ABCA5: variants seen among roughly 807,000 people sequenced by gnomAD.
The protein encoded by ABCA5 is cholesterol transporter ABCA5.
In ABCA5, 163 loss-of-function variants were observed where a neutral mutation model predicts 206.0. The ratio of observed to expected loss-of-function variants is 0.79; its 90% CI spans 0.70 to 0.90. The LOEUF is 0.90. Ranked by LOEUF, ABCA5 falls within the 40% of genes least tolerant of loss-of-function variation. The pLI, the probability that ABCA5 is intolerant of heterozygous loss-of-function variation, is 0.00. For synonymous variants in ABCA5, 609 were observed against 613.8 expected (o/e 0.99, Z 0.11); for missense variants, 1,859 against 1,912.9 (o/e 0.97, Z 0.53).
At chr17:69,259,835 T>TTTG (rs368372637) in intron 27 of ABCA5, 38 bp from the exon 28 acceptor site, 31 of 1,314,090 alleles carry the variant, frequency 2.4e-5, no homozygotes, top group South Asian at 4.3e-5. Context: ...GACTAAAAGA[T>TTTG]TTGTTGTTGT....
chr17:69,312,858 GAATTA>G (rs1299880575), intron 3 of ABCA5, among the ~76,000 whole-genome samples: 4 of 151,970 alleles, frequency 2.6e-5, no homozygotes, highest in African/African-American at 4.8e-5. Flanking sequence ...AATGGTCTAA[GAATTA>G]AATATAAAAG....
chr17:69,295,246 C>T (rs2075573247), intron 10 of ABCA5, among the ~76,000 whole-genome samples: 2 of 152,168 alleles, frequency 1.3e-5, no homozygotes, highest in Admixed American at 6.5e-5. Flanking sequence ...ATCTATGGTA[C>T]ATACAAGCAA....
chr17:69,248,408 T>C, intron 37 of ABCA5, 91 bp from the exon 38 acceptor site: 2 of 712,538 alleles, frequency 2.8e-6, no homozygotes, highest in South Asian at 1.9e-5. Flanking sequence ...TTAAAATATC[T>C]CTGTAATCAA....
At chr17:69,314,993 G>A (rs2075802420) in intron 1 of ABCA5, 1 of 152,306 alleles carries the variant, frequency 6.6e-6, no homozygotes, top group Non-Finnish European at 1.5e-5. Flanking sequence ...CCTACCATTG[G>A]GCCCTGGATA....
intron 3 of ABCA5, 60 bp downstream of exon 3, chr17:69,313,032 C>T: frequency 8.6e-7 from 1 of 1,161,674 alleles, no homozygotes; most frequent in Non-Finnish European, 1.2e-6. Flanking sequence ...ATAAAGCAAG[C>T]TGATAAATAT....
chr17:69,257,125 G>C (rs56389663), intron 28 of ABCA5, among the ~76,000 whole-genome samples: 9,198 of 152,162 alleles, frequency 0.06, 753 homozygotes, highest in African/African-American at 0.18. Context: ...AGCACTTTAA[G>C]AAGCCGAGGC....
chr17:69,301,643 T>C (rs935201397), intron 8 of ABCA5, among the ~76,000 whole-genome samples: 2 of 152,144 alleles, frequency 1.3e-5, no homozygotes, highest in African/African-American at 4.8e-5. Context: ...ATGATCCATA[T>C]GAAAGCCAAA....
At chr17:69,304,379 C>T (rs922769832) in intron 7 of ABCA5, 2 of 194,456 alleles carry the variant, frequency 1.0e-5, no homozygotes, top group Non-Finnish European at 2.1e-5. Flanking sequence ...TAGTCCAATA[C>T]TTGACAGTCT....
At position 69,285,913 on chromosome 17, in the gene ABCA5, T is replaced by C. The variant is rs9898003; in HGVS notation, c.2257A>G (p.Met753Val). The change falls in exon 17 of 39, where the codon ATG becomes GTG. Residue 753 changes from methionine (M) to valine (V), a missense_variant. Transcript: ENST00000392676. ...QLVYSLPFKDMDKFSGLFSAL... is the reference protein window; with the variant it reads ...QLVYSLPFKDVDKFSGLFSAL... ...TAAGTAATACCTGAAAATTTGTCCA[T>C]GTCCTTGAAAGGCAAGCTATACACA... 6.2e-6 allele frequency: 10 copies of C among 1,611,896 alleles called. No individual in the cohort carries two copies. Among genetic ancestry groups the C allele is most frequent in the African/African-American group, 2.7e-5 (2 of 74,830 alleles).
chr17:69,274,243 G>C (rs2075306200), intron 19 of ABCA5, 115 bp from the exon 20 acceptor site: 4 of 1,015,856 alleles, frequency 3.9e-6, no homozygotes, highest in Admixed American at 3.1e-5. Flanking sequence ...ATTTGAGACA[G>C]GGTCTGGTTC....
At chr17:69,248,392 A>T (rs2074976666) in intron 37 of ABCA5, 75 bp from the exon 38 acceptor site, 1 of 801,278 alleles carries the variant, frequency 1.2e-6, no homozygotes, top group African/African-American at 1.8e-5. Context: ...AGTGGCTAAC[A>T]ATGTTTTAAA....
intron 18 of ABCA5, 138 bp from the exon 19 acceptor site, chr17:69,277,980 C>A: frequency 1.7e-6 from 1 of 600,580 alleles, no homozygotes; most frequent in Non-Finnish European, 2.7e-6. Context: ...CTGGCAGTAT[C>A]TATTAAAGCT....
rs982787690 is a variant in ABCA5 at position 69,245,290 on chromosome 17, T to A, written c.*2247A>T. On this transcript the variant is annotated 3_prime_UTR_variant, in exon 39 of 39. Coordinates refer to ENST00000392676, the MANE Select transcript of ABCA5 (RefSeq NM_172232.4). ...ACTCAGTAAAGCTCAGCTTTTACTT[T>A]CCTTTGAAAATTTGACCATGAATGG... The A allele has an allele frequency of 2.0e-5, 3 of 151,990 alleles. No homozygotes were observed. Among genetic ancestry groups the A allele is most frequent in the Admixed American group, 2.0e-4 (3 of 15,268 alleles). 9.4% of individuals were successfully genotyped at this position (151,990 alleles called of 1,614,324 possible). A position where few individuals can be genotyped will look rare whatever the true frequency, so the allele number is the denominator to read the frequency against.
At chr17:69,303,030 A>G (rs1225199736) in intron 7 of ABCA5, 124 bp from the exon 8 acceptor site, 1 of 497,838 alleles carries the variant, frequency 2.0e-6, no homozygotes, top group Non-Finnish European at 3.5e-6. Context: ...AAATACAACT[A>G]TAATTTCTAA....
chr17:69,248,202 C>T (rs2074973069), intron 38 of ABCA5, 60 bp downstream of exon 38: 9 of 1,023,760 alleles, frequency 8.8e-6, no homozygotes, highest in African/African-American at 3.3e-5. Flanking sequence ...TAAACCAAAA[C>T]AATCGATATC....
At position 69,268,036 on chromosome 17, in the gene ABCA5, A is replaced by T; in HGVS notation, c.3051T>A (p.Phe1017Leu). Residue 1017 changes from phenylalanine to leucine, a missense_variant, in exon 23 of 39, where the codon TTT becomes TTA. By Grantham distance (22) the Phe-to-Leu change is conservative. Coordinates refer to ENST00000392676, the MANE Select transcript of ABCA5 (RefSeq NM_172232.4). ...PFFQEITDIV[F>L]KIELYFQAAL... Reference sequence around the variant, plus strand: ...CTGCTTGAAAATACAGCTCAATTTTAAAAACTATATCAGTAATTTCCTGAA... The same window carrying T: ...CTGCTTGAAAATACAGCTCAATTTTTAAAACTATATCAGTAATTTCCTGAA... 1.3e-6 allele frequency: 2 copies of T among 1,589,232 alleles called. No individual in the cohort carries two copies. Among genetic ancestry groups the T allele is most frequent in the South Asian group, 1.1e-5 (1 of 89,972 alleles).
At chr17:69,321,045 C>A (rs960401103) in intron 1 of ABCA5, among the ~76,000 whole-genome samples, 5 of 152,094 alleles carry the variant, frequency 3.3e-5, no homozygotes, top group Non-Finnish European at 5.9e-5. Context: ...ATATGGTAAT[C>A]ACAAAGGCCC....
At chr17:69,300,443 C>G (rs1314673146) in intron 9 of ABCA5, among the ~76,000 whole-genome samples, 1 of 152,158 alleles carries the variant, frequency 6.6e-6, no homozygotes, top group African/African-American at 2.4e-5. Flanking sequence ...TTGGGAACCT[C>G]TAGTCTAGAC....
At chr17:69,261,613 A>G in intron 25 of ABCA5, 22 bp downstream of exon 25, 1 of 1,074,190 alleles carries the variant, frequency 9.3e-7, no homozygotes, top group South Asian at 1.5e-5. Context: ...GGAAAGTTGA[A>G]ATAATGTAAA....
Sources: gnomAD v4.1 joint callset for allele counts (sites outside exome capture counted in the v4.1 genomes callset) on GRCh38, gnomAD v4.1.1 for gene constraint, MANE v1.5 for transcripts, NCBI Gene and HGNC (gene_info 2026-07-23, HGNC 2026-07-21) for gene names.